HMCN1: variants seen among roughly 807,000 people sequenced by gnomAD.
HMCN1 encodes hemicentin 1.
In HMCN1, 321 loss-of-function variants were observed where a neutral mutation model predicts 625.9. The ratio of observed to expected loss-of-function variants is 0.51; its 90% confidence interval spans 0.47 to 0.56. The LOEUF (loss-of-function observed/expected upper bound fraction) is 0.56. HMCN1 is among the 20% of genes least tolerant of loss of function. The pLI is 0.00. For missense variants in HMCN1, 6,588 were observed against 6,887.3 expected, an observed-to-expected ratio of 0.96 and a Z score of 1.54; for synonymous variants, 2,425 against 2,417.6, an observed-to-expected ratio of 1.00 and a Z score of -0.09.
chr1:185,866,436 G>A (rs549033719), intron 4 of HMCN1, among the ~76,000 whole-genome samples: 86 of 122,238 alleles, frequency 7.0e-4, no homozygotes, highest in African/African-American at 2.6e-3. Flanking sequence ...GTGAAGTCTC[G>A]CTCTGTCACC....
chr1:186,169,010 A>T (rs1304558656), intron 100 of HMCN1, among the ~76,000 whole-genome samples: 1 of 152,100 alleles, frequency 6.6e-6, no homozygotes, highest in Non-Finnish European at 1.5e-5. Context: ...GAGAGAGAAC[A>T]TGTGGTATTT....
chr1:185,811,739 A>T (rs1659533263), intron 1 of HMCN1, among the ~76,000 whole-genome samples: 1 of 151,520 alleles, frequency 6.6e-6, no homozygotes. Context: ...TAAAAAAAAA[A>T]ATACACATAT....
At chr1:185,861,732 A>G (rs1361146879) in intron 2 of HMCN1, among the ~76,000 whole-genome samples, 1 of 152,224 alleles carries the variant, frequency 6.6e-6, no homozygotes, top group Non-Finnish European at 1.5e-5. Context: ...TATGTTAAGT[A>G]CCACTAAAGT....
intron 96 of HMCN1, 139 bp downstream of exon 96, chr1:186,153,010 C>A (rs931923451): frequency 3.4e-6 from 4 of 1,194,008 alleles, no homozygotes; most frequent in Non-Finnish European, 3.7e-6. Flanking sequence ...ACTATCTGAT[C>A]TTTGTTTAAA....
At chr1:186,078,260 A>C in intron 55 of HMCN1, 40 bp downstream of exon 55, 1 of 1,445,638 alleles carries the variant, frequency 6.9e-7, no homozygotes, top group Non-Finnish European at 9.7e-7. Flanking sequence ...CTTTTACTGA[A>C]AAGTATTTTT....
chr1:185,978,694 G>A (rs1317442320), intron 16 of HMCN1, among the ~76,000 whole-genome samples: 2 of 151,846 alleles, frequency 1.3e-5, no homozygotes, highest in African/African-American at 4.8e-5. Context: ...TTTATATTTT[G>A]GGTGGGTACG....
At chr1:186,005,855 G>T (rs1017730529) in intron 29 of HMCN1, among the ~76,000 whole-genome samples, 1 of 152,088 alleles carries the variant, frequency 6.6e-6, no homozygotes, top group Admixed American at 6.6e-5. Context: ...TTAAAATGTG[G>T]CCAGGCACCG....
Position 185,809,801 on chromosome 1 carries a change from T to C in HMCN1, c.269-36225T>C, listed in dbSNP as rs1348028901. Among the ~76,000 whole-genome samples, 3 of 152,132 alleles carry C rather than the reference T, an allele frequency of 2.0e-5. No homozygotes were observed. In the East Asian group the frequency reaches 5.8e-4, roughly 29 times the overall value. On this transcript the variant is annotated intron_variant, in intron 1 of 106. Coordinates refer to ENST00000271588, the MANE Select transcript of HMCN1 (RefSeq NM_031935.3). ...ATTTAGTGATTTATTTTGTCACTTC[T>C]GTCACTCTGAAAGGCTTAAGATACT...
At chr1:186,158,419 T>A (rs530050653) in intron 97 of HMCN1, among the ~76,000 whole-genome samples, 104 of 152,334 alleles carry the variant, frequency 6.8e-4, no homozygotes, top group African/African-American at 2.3e-3. Flanking sequence ...TCTTTTGCTG[T>A]GCAGAAGCTC....
At chr1:186,117,201 T>TC (rs1661174947) in intron 76 of HMCN1, 86 bp downstream of exon 76, 4 of 1,535,086 alleles carry the variant, frequency 2.6e-6, no homozygotes, top group Non-Finnish European at 3.6e-6. Context: ...TCCCTTTTCT[T>TC]TTTTTTTTTA....
chr1:186,131,184 C>A (rs1661913506), intron 85 of HMCN1, among the ~76,000 whole-genome samples: 1 of 152,138 alleles, frequency 6.6e-6, no homozygotes, highest in Admixed American at 6.6e-5. Flanking sequence ...TGTTAAATCA[C>A]ATTTGGTGAG....
chr1:185,875,392 G>A (rs1253082726), intron 4 of HMCN1, among the ~76,000 whole-genome samples: 1 of 152,006 alleles, frequency 6.6e-6, no homozygotes, highest in African/African-American at 2.4e-5. Flanking sequence ...ATCAGACATA[G>A]ATATGATGTC....
At chr1:185,766,773 C>T (rs1655904187) in intron 1 of HMCN1, among the ~76,000 whole-genome samples, 1 of 151,614 alleles carries the variant, frequency 6.6e-6, no homozygotes, top group African/African-American at 2.4e-5. Context: ...ATAACTTGGG[C>T]AAATCACGGT....
intron 1 of HMCN1, among the ~76,000 whole-genome samples, chr1:185,791,553 C>T (rs576420117): frequency 1.3e-5 from 2 of 151,916 alleles, no homozygotes; most frequent in East Asian, 1.9e-4. Flanking sequence ...AATCCTGTCT[C>T]TACTAAAAAT....
intron 1 of HMCN1, among the ~76,000 whole-genome samples, chr1:185,804,537 C>CA (rs1659044831): frequency 6.6e-6 from 1 of 152,096 alleles, no homozygotes; most frequent in Non-Finnish European, 1.5e-5. Flanking sequence ...TCCCACAACT[C>CA]AAAGTCTTTA....
At chr1:185,764,305 T>A (rs1217619621) in intron 1 of HMCN1, among the ~76,000 whole-genome samples, 1 of 152,186 alleles carries the variant, frequency 6.6e-6, no homozygotes, top group Non-Finnish European at 1.5e-5. Flanking sequence ...AAGAGTTTGA[T>A]AAATTCATAG....
intron 31 of HMCN1, 73 bp from the exon 32 acceptor site, chr1:186,015,885 T>C (rs907892994): frequency 5.7e-6 from 8 of 1,392,578 alleles, no homozygotes; most frequent in African/African-American, 1.4e-5. Context: ...ACAAAAGCTC[T>C]TCTTTATTTC....
chr1:185,931,392 TC>T (rs1667541664), intron 10 of HMCN1, among the ~76,000 whole-genome samples: 1 of 152,118 alleles, frequency 6.6e-6, no homozygotes, highest in Non-Finnish European at 1.5e-5. Flanking sequence ...CCCGCATCAC[TC>T]CCCTATTCCT....
intron 70 of HMCN1, among the ~76,000 whole-genome samples, chr1:186,108,210 G>A (rs1318231656): frequency 6.6e-6 from 1 of 151,862 alleles, no homozygotes; most frequent in Non-Finnish European, 1.5e-5. Flanking sequence ...ATCAAATGGT[G>A]AAAATAATGC....
Sources: gnomAD v4.1 joint callset for allele counts (sites outside exome capture counted in the v4.1 genomes callset) on GRCh38, gnomAD v4.1.1 for gene constraint, MANE v1.5 for transcripts, NCBI Gene and HGNC (gene_info 2026-07-23, HGNC 2026-07-21) for gene names.